Variants in PKDREJ observed in about 807,000 individuals in gnomAD.
The protein encoded by PKDREJ is PKD and REJ homolog.
For missense variants in PKDREJ, 2,507 were observed against 2,807.2 expected (o/e 0.89, Z 2.42); for synonymous variants, 1,031 against 1,095.5 (o/e 0.94, Z 1.16).
Position 46,257,649 on chromosome 22 carries a change from A to G in PKDREJ, c.5674T>C (p.Phe1892Leu). ...ALYFFPEQQRFNSTLRLKELQ... is the reference protein window; with the variant it reads ...ALYFFPEQQRLNSTLRLKELQ... The stretch of plus-strand genomic sequence containing the variant: ...TCTTTGAGCCTCAGTGTGGAATTAA[A>G]CCGCTGCTGTTCTGGAAAAAAATAG... The change falls in exon 1 of 1, where the codon TTT becomes CTT. Residue 1892 changes from phenylalanine (F) to leucine (L), a missense_variant. Phe to Leu is a conservative substitution (Grantham distance 22). Coordinates refer to ENST00000253255, the MANE Select transcript of PKDREJ (RefSeq NM_006071.2). The surrounding 1 kb of genome is among the most constrained non-coding windows in gnomAD (Gnocchi z 4.7). The G allele has an allele frequency of 1.2e-6, 2 of 1,614,176 alleles. No individual in the cohort carries two copies. Among genetic ancestry groups the G allele is most frequent in the Non-Finnish European group, 8.5e-7 (1 of 1,180,022 alleles).
In PKDREJ at chr22:46,260,378, G is replaced by A. The variant is rs150812606; in HGVS notation, c.2945C>T (p.Thr982Ile). The A allele has an allele frequency of 2.9e-5, 47 of 1,614,066 alleles. 1 individual carries two copies. The South Asian group carries it at 4.8e-4, about 17-fold the overall frequency. ...GTCCACTTGAAAGCTAAACCCACCT[G>A]TCGTCTTCTTCAAGGACCCATCAAC... is the stretch of plus-strand genomic sequence containing the variant. ...SEVDGSLKKT[T>I]GGFSFQVDST... Residue 982 changes from threonine to isoleucine, a missense_variant, in exon 1 of 1, where the codon ACA (threonine) becomes ATA (isoleucine). Thr to Ile is a moderately conservative substitution (Grantham distance 89). Coordinates refer to ENST00000253255, the MANE Select transcript of PKDREJ (RefSeq NM_006071.2). The surrounding 1 kb of genome is among the most constrained non-coding windows in gnomAD (Gnocchi z 4.5).
Position 46,260,767 on chromosome 22 carries a change from G to A in PKDREJ, c.2556C>T (p.Thr852=), listed in dbSNP as rs1275896520. 1.9e-6 allele frequency: 3 copies of A among 1,613,902 alleles called. No individual in the cohort carries two copies. The highest frequency in any genetic ancestry group is 2.5e-6 in the Non-Finnish European group (3 of 1,179,924). Residue 852 remains threonine (T), a synonymous_variant, in exon 1 of 1, where the codon ACC becomes ACT. Transcript: ENST00000253255. The surrounding 1 kb of genome is among the most constrained non-coding windows in gnomAD (Gnocchi z 4.5). ...LANKVPGNKT[T]SMRTPNFNMY... is the part of the protein sequence containing the mutation. ...TGTTGAAATTGGGGGTTCTCATTGA[G>A]GTGGTTTTGTTCCCTGGCACTTTAT...
At position 46,257,739 on chromosome 22, in the gene PKDREJ, C is replaced by T. The variant is rs762998240; in HGVS notation, c.5584G>A (p.Gly1862Arg). 2 of 1,614,094 alleles carry T rather than the reference C, an allele frequency of 1.2e-6. No individual in the cohort carries two copies. The highest frequency in any genetic ancestry group is 1.7e-6 in the Non-Finnish European group (2 of 1,179,950). The change falls in exon 1 of 1, where the codon GGA (glycine) becomes AGA (arginine). Residue 1862 changes from glycine to arginine, a missense_variant. Transcript: ENST00000253255. This position sits in a 1 kb window ranked among gnomAD's most constrained non-coding sequence, Gnocchi z 4.7. ...TAGGAATAATATAGCCATTGCGTTC[C>T]TTGAGGCTTATAAGTAAATCCATTG... The part of the protein sequence containing the change: ...STNGFTYKPQ[G>R]TQWLYYSYGL...
In PKDREJ at chr22:46,261,938, C is replaced by T; in HGVS notation, c.1385G>A (p.Cys462Tyr). 5.0e-6 allele frequency: 8 copies of T among 1,614,152 alleles called. No homozygotes were observed. The highest frequency in any genetic ancestry group is 6.8e-6 in the Non-Finnish European group (8 of 1,180,018). ...GAAGTTTCTCTCACAATTTTCGATA[C>T]ATGTGATGTGTGCTATGGCTTTTGG... ...QGPKAIAHITCIENCERNFIV... is the reference protein window; with the variant it reads ...QGPKAIAHITYIENCERNFIV... Residue 462 changes from cysteine to tyrosine, a missense_variant, in exon 1 of 1, where the codon TGT becomes TAT. Cys to Tyr is a radical substitution (Grantham distance 194). Coordinates refer to ENST00000253255, the MANE Select transcript of PKDREJ (RefSeq NM_006071.2). This position sits in a 1 kb window ranked among gnomAD's most constrained non-coding sequence, Gnocchi z 7.1.
Position 46,259,147 on chromosome 22 carries a change from A to C in PKDREJ, c.4176T>G (p.Cys1392Trp). ...KTFNRLQRLS[C>W]CLAMLLSSLL... ...GAGAGCTAAGCAACATTGCTAAACA[A>C]CAGGACAATCTCTGGAGCCTATTGA... The change falls in exon 1 of 1, where the codon TGT (cysteine) becomes TGG (tryptophan). Residue 1392 changes from cysteine (C) to tryptophan (W), a missense_variant. Physicochemically the swap from Cys to Trp is radical, Grantham distance 215. Coordinates refer to ENST00000253255, the MANE Select transcript of PKDREJ (RefSeq NM_006071.2). This position sits in a 1 kb window ranked among gnomAD's most constrained non-coding sequence, Gnocchi z 6.8. 1 of 1,614,140 alleles carries C rather than the reference A, an allele frequency of 6.2e-7. No homozygotes were observed.
rs1406050378 is a variant in PKDREJ, at chr22:46,256,456, T to A, written c.*105A>T. ...TAGGGGATGTGCCTTGTGAAGGACA[T>A]GAGTAGAAAGCATGACTAGGCCACT... On this transcript the variant is annotated 3_prime_UTR_variant, in exon 1 of 1. Coordinates refer to ENST00000253255, the MANE Select transcript of PKDREJ (RefSeq NM_006071.2). This position sits in a 1 kb window ranked among gnomAD's most constrained non-coding sequence, Gnocchi z 5.3. The A allele has an allele frequency of 1.3e-6, 2 of 1,506,096 alleles. No homozygotes were observed. The highest frequency in any genetic ancestry group is 1.8e-6 in the Non-Finnish European group (2 of 1,135,798). 93.3% of individuals were successfully genotyped at this position (1,506,096 alleles called of 1,614,324 possible).
At position 46,259,441 on chromosome 22, in the gene PKDREJ, A is replaced by G; in HGVS notation, c.3882T>C (p.His1294=). 6.2e-7 allele frequency: 1 copy of G among 1,614,182 alleles called. No homozygotes were observed. The highest frequency in any genetic ancestry group is 8.5e-7 in the Non-Finnish European group (1 of 1,180,020). The change falls in exon 1 of 1, where the codon CAT becomes CAC. Residue 1294 remains histidine, a synonymous_variant. Coordinates refer to ENST00000253255, the MANE Select transcript of PKDREJ (RefSeq NM_006071.2). This position sits in a 1 kb window ranked among gnomAD's most constrained non-coding sequence, Gnocchi z 6.8. The part of the protein sequence containing the change: ...LTTKSDLGDI[H]SIRVWHNNEG... Reference sequence around the variant, plus strand: ...CGTTGTTGTGCCACACACGGATGGAATGGATGTCCCCCAAGTCACTTTTTG... The same window carrying G: ...CGTTGTTGTGCCACACACGGATGGAGTGGATGTCCCCCAAGTCACTTTTTG...
rs569535526 is a variant in PKDREJ at position 46,259,936 on chromosome 22, C to T, written c.3387G>A (p.Glu1129=). ...CILGEKTSWY[E]VHCICKNVVR... is the part of the protein sequence containing the mutation. ...CTACATTCTTGCAGATGCAGTGCAC[C>T]TCATACCAGCTGGTCTTCTCACCAA... Residue 1129 remains glutamate (E), a synonymous_variant, in exon 1 of 1, where the codon GAG becomes GAA. Coordinates refer to ENST00000253255, the MANE Select transcript of PKDREJ (RefSeq NM_006071.2). This position sits in a 1 kb window ranked among gnomAD's most constrained non-coding sequence, Gnocchi z 6.8. The T allele has an allele frequency of 6.2e-7, 1 of 1,613,990 alleles. No homozygotes were observed. Among genetic ancestry groups the T allele is most frequent in the African/African-American group, 1.3e-5 (1 of 75,006 alleles).
chr22:46,262,715 G>A lies in PKDREJ; in HGVS notation c.608C>T (p.Ala203Val), dbSNP rs1936712420. 4 of 1,611,574 alleles carry A rather than the reference G, an allele frequency of 2.5e-6. No individual in the cohort carries two copies. The South Asian group carries it at 3.3e-5, about 13-fold the overall frequency. Residue 203 changes from alanine (A) to valine (V), a missense_variant, in exon 1 of 1, where the codon GCC becomes GTC. Coordinates refer to ENST00000253255, the MANE Select transcript of PKDREJ (RefSeq NM_006071.2). The surrounding 1 kb of genome is among the most constrained non-coding windows in gnomAD (Gnocchi z 8.1). ...CTGACAGGACACGGACGACTCGACG[G>A]CTCTGTGGCTGGACGAGTTGACGGC... ...LQAVNSSSHR[A>V]VESSVSCQIN... is the part of the protein sequence containing the mutation.
chr22:46,257,958 G>C lies in PKDREJ; in HGVS notation c.5365C>G (p.Leu1789Val), dbSNP rs1184503017. The change falls in exon 1 of 1, where the codon CTT becomes GTT. Residue 1789 changes from leucine (L) to valine (V), a missense_variant. Physicochemically the swap from Leu to Val is conservative, Grantham distance 32 (BLOSUM62 1). Coordinates refer to ENST00000253255, the MANE Select transcript of PKDREJ (RefSeq NM_006071.2). This position sits in a 1 kb window ranked among gnomAD's most constrained non-coding sequence, Gnocchi z 4.7. The stretch of plus-strand genomic sequence containing the variant: ...ACTTGCCTCATCAATGGAAGGCCAA[G>C]GATTTTAGACGAGCTTTCAGGAAGA... Reference protein sequence around the residue: ...TFLPESSSKILGLPLMRQVRA... With the variant: ...TFLPESSSKIVGLPLMRQVRA... 3 of 1,614,084 alleles carry C rather than the reference G, an allele frequency of 1.9e-6. No individual in the cohort carries two copies. The East Asian group carries it at 6.7e-5, about 36-fold the overall frequency.
Position 46,257,260 on chromosome 22 carries a change from G to C in PKDREJ, c.6063C>G (p.Phe2021Leu), listed in dbSNP as rs766070355. Residue 2021 changes from phenylalanine to leucine, a missense_variant, in exon 1 of 1, where the codon TTC becomes TTG. By Grantham distance (22) the Phe-to-Leu change is conservative (BLOSUM62 0). Transcript: ENST00000253255. The surrounding 1 kb of genome is among the most constrained non-coding windows in gnomAD (Gnocchi z 4.7). ...AAAACCGAATTATGCCAGTGGCCAG[G>C]AAATGTTTCCTGAGAAAGAGCACAA... ...VLIVLFLRKH[F>L]LATGIIRFYL... 2.1e-5 allele frequency: 34 copies of C among 1,613,958 alleles called. No individual in the cohort carries two copies. In the Admixed American group the frequency reaches 5.5e-4, roughly 26 times the overall value.
chr22:46,258,842 G>T lies in PKDREJ; in HGVS notation c.4481C>A (p.Pro1494His). The T allele has an allele frequency of 6.2e-7, 1 of 1,614,102 alleles. No individual in the cohort carries two copies. Among genetic ancestry groups the T allele is most frequent in the Non-Finnish European group, 8.5e-7 (1 of 1,180,006 alleles). ...WHAYETAKVHPREVAKPASKG... is the reference protein window; with the variant it reads ...WHAYETAKVHHREVAKPASKG... ...AGATGCAGGTTTTGCAACCTCCCTGGGGTGCACCTTAGCAGTTTCGTAAGC... is the reference window on the plus strand; with the variant it reads ...AGATGCAGGTTTTGCAACCTCCCTGTGGTGCACCTTAGCAGTTTCGTAAGC... The change falls in exon 1 of 1, where the codon CCC becomes CAC. Residue 1494 changes from proline (P) to histidine (H), a missense_variant. Pro to His is a moderately conservative substitution (Grantham distance 77). Coordinates refer to ENST00000253255, the MANE Select transcript of PKDREJ (RefSeq NM_006071.2). The surrounding 1 kb of genome is among the most constrained non-coding windows in gnomAD (Gnocchi z 6.1).
rs749638970 is a variant in PKDREJ, at chr22:46,260,849, T to C, written c.2474A>G (p.Gln825Arg). 3 of 1,613,852 alleles carry C rather than the reference T, an allele frequency of 1.9e-6. No individual in the cohort carries two copies. The African/African-American group carries it at 4.0e-5, about 22-fold the overall frequency. The change falls in exon 1 of 1, where the codon CAA (glutamine) becomes CGA (arginine). Residue 825 changes from glutamine (Q) to arginine (R), a missense_variant. Transcript: ENST00000253255. This position sits in a 1 kb window ranked among gnomAD's most constrained non-coding sequence, Gnocchi z 4.5. ...TACATAGAAAGGATCTTTAACTACT[T>C]GGTGAGGAGAAGTCATTTTAAGAAT... The part of the protein sequence containing the change: ...SNILKMTSPH[Q>R]VVKDPFYVIE...
chr22:46,258,333 G>A lies in PKDREJ; in HGVS notation c.4990C>T (p.Arg1664Cys), dbSNP rs141791457. The change falls in exon 1 of 1, where the codon CGT becomes TGT. Residue 1664 changes from arginine to cysteine, a missense_variant. By Grantham distance (180) the Arg-to-Cys change is radical. Transcript: ENST00000253255. The surrounding 1 kb of genome is among the most constrained non-coding windows in gnomAD (Gnocchi z 6.1). ...CTCTGCATTTCTTCTGGATGCATAC[G>A]CATTCCATCCAACCTGATCTCAGTA... is the stretch of plus-strand genomic sequence containing the variant. The part of the protein sequence containing the change: ...KYTEIRLDGM[R>C]MHPEEMQRIH... The A allele has an allele frequency of 6.8e-6, 11 of 1,613,948 alleles. No homozygotes were observed. The highest frequency in any genetic ancestry group is 1.6e-4 in the Middle Eastern group (1 of 6,084).
At position 46,257,672 on chromosome 22, in the gene PKDREJ, T is replaced by TA; in HGVS notation, c.5650dup (p.Tyr1884LeufsTer10). 1 of 1,614,156 alleles carries TA rather than the reference T, an allele frequency of 6.2e-7. No individual in the cohort carries two copies. Among genetic ancestry groups the TA allele is most frequent in the Non-Finnish European group, 8.5e-7 (1 of 1,180,014 alleles). On this transcript the variant is annotated frameshift_variant, in exon 1 of 1. Coordinates refer to ENST00000253255, the MANE Select transcript of PKDREJ (RefSeq NM_006071.2). LOFTEE classifies it low-confidence loss of function (END_TRUNC). The surrounding 1 kb of genome is among the most constrained non-coding windows in gnomAD (Gnocchi z 4.7). ...AAACCGCTGCTGTTCTGGAAAAAAA[T>TA]AGAGTGCATATCCTCCAGATCCATA...
chr22:46,258,271 C>A lies in PKDREJ; in HGVS notation c.5052G>T (p.Arg1684Ser). ...CATCTTCTGTAAGGGGTTGGTACAT[C>A]CTCGTGCCTCGGATTCGGACGATCT... is the stretch of plus-strand genomic sequence containing the variant. ...HDQIVRIRGT[R>S]MYQPLTEDEI... Residue 1684 changes from arginine to serine, a missense_variant, in exon 1 of 1, where the codon AGG (arginine) becomes AGT (serine). Arg to Ser is a moderately radical substitution (Grantham distance 110). Transcript: ENST00000253255. The surrounding 1 kb of genome is among the most constrained non-coding windows in gnomAD (Gnocchi z 6.1). 2 of 1,614,174 alleles carry A rather than the reference C, an allele frequency of 1.2e-6. No individual in the cohort carries two copies. Among genetic ancestry groups the A allele is most frequent in the Non-Finnish European group, 1.7e-6 (2 of 1,180,026 alleles).
chr22:46,258,074 T>A lies in PKDREJ; in HGVS notation c.5249A>T (p.Asp1750Val), dbSNP rs144770546. 31 of 1,614,066 alleles carry A rather than the reference T, an allele frequency of 1.9e-5. No homozygotes were observed. In the African/African-American group the frequency reaches 3.5e-4, roughly 18 times the overall value. ...NQFIRDRFSM[D>V]LATVTKLEDI... Reference sequence around the variant, plus strand: ...TTCCAGCTTAGTCACAGTAGCAAGATCCATAGAGAACCGATCACGAATAAA... The same window carrying A: ...TTCCAGCTTAGTCACAGTAGCAAGAACCATAGAGAACCGATCACGAATAAA... Residue 1750 changes from aspartate (D) to valine (V), a missense_variant, in exon 1 of 1, where the codon GAT (aspartate) becomes GTT (valine). Asp to Val is a radical substitution (Grantham distance 152). Transcript: ENST00000253255. This position sits in a 1 kb window ranked among gnomAD's most constrained non-coding sequence, Gnocchi z 6.1.
Position 46,258,396 on chromosome 22 carries a change from A to G in PKDREJ, c.4927T>C (p.Tyr1643His). The change falls in exon 1 of 1, where the codon TAT becomes CAT. Residue 1643 changes from tyrosine (Y) to histidine (H), a missense_variant. By Grantham distance (83) the Tyr-to-His change is moderately conservative (BLOSUM62 2). Transcript: ENST00000253255. The surrounding 1 kb of genome is among the most constrained non-coding windows in gnomAD (Gnocchi z 6.1). ...GTTGACCATGAAAGGTTTTTGCAAT[A>G]CTTGGGTTTATTCGTTCTGAAGCCT... ...LSGFRTNKPK[Y>H]CKNLSWSTKY... 1 of 1,614,120 alleles carries G rather than the reference A, an allele frequency of 6.2e-7. No individual in the cohort carries two copies. The highest frequency in any genetic ancestry group is 1.1e-5 in the South Asian group (1 of 91,080).
chr22:46,259,236 T>A lies in PKDREJ; in HGVS notation c.4087A>T (p.Ser1363Cys), dbSNP rs1482697383. 9 of 1,613,904 alleles carry A rather than the reference T, an allele frequency of 5.6e-6. No individual in the cohort carries two copies. The highest frequency in any genetic ancestry group is 7.6e-6 in the Non-Finnish European group (9 of 1,179,950). Residue 1363 changes from serine (S) to cysteine (C), a missense_variant, in exon 1 of 1, where the codon AGT becomes TGT. By Grantham distance (112) the Ser-to-Cys change is moderately radical (BLOSUM62 -1). Coordinates refer to ENST00000253255, the MANE Select transcript of PKDREJ (RefSeq NM_006071.2). This position sits in a 1 kb window ranked among gnomAD's most constrained non-coding sequence, Gnocchi z 6.8. Reference sequence around the variant, plus strand: ...ATGTGGTTTTTCCGGAGATTACTACTCACATCTATAAAGAAAAAGTCTTTT... The same window carrying A: ...ATGTGGTTTTTCCGGAGATTACTACACACATCTATAAAGAAAAAGTCTTTT... ...TRKDFFFIDVSSNLRKNHMWF... is the reference protein window; with the variant it reads ...TRKDFFFIDVCSNLRKNHMWF...
Sources: allele counts gnomAD v4.1 joint callset, GRCh38; gene constraint gnomAD v4.1.1; non-coding constraint Gnocchi (gnomAD v3.1); transcripts MANE v1.5; gene names NCBI Gene and HGNC (gene_info 2026-07-23, HGNC 2026-07-21).